VWA8: variants seen among roughly 807,000 people sequenced by gnomAD.
VWA8 encodes the protein von Willebrand factor A domain containing 8.
In VWA8, 221 loss-of-function variants were observed where a neutral mutation model predicts 241.5. The observed-to-expected ratio is 0.91, with a 90% confidence interval of 0.82 to 1.02. The LOEUF (loss-of-function observed/expected upper bound fraction) is 1.02. Among genes scored for constraint, VWA8 ranks in the 50% least tolerant of loss-of-function variants. VWA8 has a pLI of 0.00. For synonymous variants in VWA8, 852 were observed against 827.1 expected, an observed-to-expected ratio of 1.03 and a Z score of -0.52; for missense variants, 2,322 against 2,328.7, an observed-to-expected ratio of 1.00 and a Z score of 0.06.
At chr13:41,698,700 T>TA (rs1254376548) in intron 29 of VWA8, among the ~76,000 whole-genome samples, 1 of 152,210 alleles carries the variant, frequency 6.6e-6, no homozygotes, top group Non-Finnish European at 1.5e-5. Context: ...CCTTGGACAT[T>TA]ACTCTGTTTC....
intron 44 of VWA8, among the ~76,000 whole-genome samples, chr13:41,569,791 T>C (rs1330403509): frequency 1.3e-5 from 2 of 152,118 alleles, no homozygotes; most frequent in African/African-American, 2.4e-5. Flanking sequence ...TGTTTCCAGA[T>C]CTCTCCTTTC....
chr13:41,626,205 G>A (rs375476721), intron 37 of VWA8, among the ~76,000 whole-genome samples: 24 of 151,842 alleles, frequency 1.6e-4, no homozygotes, highest in African/African-American at 4.1e-4. Flanking sequence ...CACATTGTGC[G>A]CATGTACCCT....
intron 35 of VWA8, among the ~76,000 whole-genome samples, chr13:41,677,509 G>A (rs74968196): frequency 1.7e-3 from 266 of 152,298 alleles, no homozygotes; most frequent in Middle Eastern, 3.4e-3. Flanking sequence ...TATTTGGGGT[G>A]ATACAGCTGG....
intron 2 of VWA8, among the ~76,000 whole-genome samples, chr13:41,945,422 G>A (rs76983835): frequency 0.011 from 1,614 of 152,058 alleles, 17 homozygotes; most frequent in Middle Eastern, 0.048. Context: ...ACAGAAAAAA[G>A]GAGTCAATAA....
intron 12 of VWA8, among the ~76,000 whole-genome samples, chr13:41,853,250 G>A (rs1220052336): frequency 6.6e-6 from 1 of 152,032 alleles, no homozygotes; most frequent in Non-Finnish European, 1.5e-5. Flanking sequence ...TTTTACCATT[G>A]AGCATAATGT....
intron 4 of VWA8, among the ~76,000 whole-genome samples, chr13:41,900,966 T>G (rs900507326): frequency 6.6e-6 from 1 of 152,194 alleles, no homozygotes; most frequent in Non-Finnish European, 1.5e-5. Context: ...TCTCTAAAAC[T>G]AGGCTCATTT....
chr13:41,886,677 A>C (rs1373013784), intron 7 of VWA8, 104 bp downstream of exon 7: 2 of 988,022 alleles, frequency 2.0e-6, no homozygotes, highest in East Asian at 5.2e-5. Context: ...AATTCTTATA[A>C]GAATTCTAGT....
chr13:41,765,941 T>C (rs2045776093), intron 20 of VWA8, among the ~76,000 whole-genome samples: 1 of 152,164 alleles, frequency 6.6e-6, no homozygotes, highest in Non-Finnish European at 1.5e-5. Flanking sequence ...CATTTATCAT[T>C]ACTGTTCTGC....
Position 41,728,804 on chromosome 13 carries a change from G to T in VWA8, c.2638+738C>A, listed in dbSNP as rs542376297. 2.6e-5 allele frequency among the ~76,000 whole-genome samples: 4 copies of T among 151,948 alleles called. No individual in the cohort carries two copies. In the South Asian group the frequency reaches 8.3e-4, roughly 32 times the overall value. ...GATGCACTTGTACCTTTTTAATGGG[G>T]TTCTCCTTACATACTCTCTTTGAAT... On this transcript the variant is annotated intron_variant, in intron 23 of 44. Transcript: ENST00000379310.
chr13:41,713,123 G>A (rs2045328534), intron 26 of VWA8, among the ~76,000 whole-genome samples: 1 of 152,232 alleles, frequency 6.6e-6, no homozygotes, highest in South Asian at 2.1e-4. Context: ...GCACTGCTGT[G>A]TGGTATAAGC....
intron 44 of VWA8, 64 bp downstream of exon 44, chr13:41,570,404 A>C (rs577469600): frequency 2.1e-6 from 3 of 1,429,874 alleles, no homozygotes; most frequent in African/African-American, 2.8e-5. Context: ...CCTATAAAAC[A>C]GCATGTGTTA....
intron 20 of VWA8, among the ~76,000 whole-genome samples, chr13:41,762,887 G>T (rs774769460): frequency 6.6e-6 from 1 of 152,076 alleles, no homozygotes; most frequent in Non-Finnish European, 1.5e-5. Context: ...AATATAGGGC[G>T]TTTGGAAAGT....
chr13:41,568,576 CCTTT>C (rs942603440), intron 44 of VWA8, among the ~76,000 whole-genome samples: 1 of 152,194 alleles, frequency 6.6e-6, no homozygotes, highest in African/African-American at 2.4e-5. Flanking sequence ...AAATTTTCTT[CCTTT>C]CTTTACTGCC....
intron 17 of VWA8, among the ~76,000 whole-genome samples, chr13:41,809,601 A>G (rs1870374552): frequency 6.6e-6 from 1 of 152,160 alleles, no homozygotes; most frequent in East Asian, 1.9e-4. Flanking sequence ...CAAAAATCAA[A>G]TCAAAATGGA....
chr13:41,921,290 AAAT>A (rs1226758158), intron 2 of VWA8, among the ~76,000 whole-genome samples: 1 of 152,186 alleles, frequency 6.6e-6, no homozygotes, highest in Non-Finnish European at 1.5e-5. Context: ...ATGTATCTCA[AAAT>A]AATAAGAGCT....
chr13:41,802,675 C>G lies in VWA8; in HGVS notation c.2063+8550G>C, dbSNP rs150918881. Among the ~76,000 whole-genome samples the G allele has an allele frequency of 1.1e-4, 17 of 152,326 alleles. 1 individual carries two copies. In the East Asian group the frequency reaches 3.1e-3, roughly 28 times the overall value. ...AGCCAAAGTAAAATAAAGCACTAAA[C>G]AAATTGCTAAAGTCCCCAATTCCAG... On this transcript the variant is annotated intron_variant, in intron 17 of 44. Transcript: ENST00000379310.
intron 3 of VWA8, among the ~76,000 whole-genome samples, chr13:41,910,518 A>G (rs565484393): frequency 1.3e-5 from 2 of 151,044 alleles, no homozygotes; most frequent in East Asian, 4.0e-4. Context: ...CAGGAGGCAA[A>G]GGTTGCAGTG....
chr13:41,570,666 T>C lies in VWA8; in HGVS notation c.5411A>G (p.His1804Arg), dbSNP rs2044295193. 1 of 1,614,258 alleles carries C rather than the reference T, an allele frequency of 6.2e-7. No individual in the cohort carries two copies. The highest frequency in any genetic ancestry group is 1.3e-5 in the African/African-American group (1 of 75,070). ...GGCATGTTCTGTCCCTTCTAACGTG[T>C]GGTCCCCACTCATGCAGAACTGAGA... ...AHSQFCMSGD[H>R]TLEGTEHAIK... The change falls in exon 44 of 45, where the codon CAC (histidine) becomes CGC (arginine). Residue 1804 changes from histidine to arginine, a missense_variant. Physicochemically the swap from His to Arg is conservative, Grantham distance 29 (BLOSUM62 0). Coordinates refer to ENST00000379310, the MANE Select transcript of VWA8 (RefSeq NM_015058.2).
chr13:41,575,397 A>C (rs2044344081), intron 43 of VWA8, among the ~76,000 whole-genome samples: 1 of 152,322 alleles, frequency 6.6e-6, no homozygotes, highest in Admixed American at 6.5e-5. Flanking sequence ...CTCGTACCCC[A>C]AAAACTATTG....
Sources: gnomAD v4.1 joint callset for allele counts (sites outside exome capture counted in the v4.1 genomes callset) on GRCh38, gnomAD v4.1.1 for gene constraint, MANE v1.5 for transcripts, NCBI Gene and HGNC (gene_info 2026-07-23, HGNC 2026-07-21) for gene names.